Variants in PTPRT observed in about 807,000 individuals in gnomAD.
PTPRT encodes the protein receptor-type tyrosine-protein phosphatase T.
Under a neutral mutation model 176.8 loss-of-function variants are expected in PTPRT, and 56 were observed. The observed-to-expected ratio is 0.32, with a 90% CI of 0.26 to 0.40. The LOEUF is 0.40. PTPRT is among the 10% of genes least tolerant of loss of function. The pLI is 1.00. For missense variants in PTPRT, 1,540 were observed against 1,908.2 expected (o/e 0.81, Z 3.60); for synonymous variants, 783 against 739.0 (o/e 1.06, Z -0.96).
intron 6 of PTPRT, among the ~76,000 whole-genome samples, chr20:42,707,537 A>T (rs560834197): frequency 6.6e-6 from 1 of 152,086 alleles, no homozygotes; most frequent in African/African-American, 2.4e-5. Flanking sequence ...AAGATGAAGG[A>T]AGCACATGAC....
intron 7 of PTPRT, among the ~76,000 whole-genome samples, chr20:42,480,586 T>C (rs1483895234): frequency 6.6e-6 from 1 of 152,202 alleles, no homozygotes; most frequent in Non-Finnish European, 1.5e-5. Context: ...CTTGCCTTTG[T>C]GAAACTGATG....
chr20:42,261,910 G>C (rs192487498), intron 13 of PTPRT, among the ~76,000 whole-genome samples: 61 of 152,220 alleles, frequency 4.0e-4, no homozygotes, highest in African/African-American at 1.5e-3. Flanking sequence ...GCAACATGCC[G>C]CTTGCAGCTA....
intron 1 of PTPRT, among the ~76,000 whole-genome samples, chr20:43,140,953 G>A (rs969659584): frequency 1.3e-5 from 2 of 151,968 alleles, no homozygotes; most frequent in Admixed American, 6.6e-5. Context: ...CAACATATTC[G>A]GACTCACACT....
intron 7 of PTPRT, among the ~76,000 whole-genome samples, chr20:42,475,126 G>A (rs1354016433): frequency 6.6e-6 from 1 of 152,144 alleles, no homozygotes; most frequent in Non-Finnish European, 1.5e-5. Flanking sequence ...CACCACTGAT[G>A]GAACTGTAGC....
In PTPRT at chr20:42,848,540, C is replaced by A. The variant is rs568145244; in HGVS notation, c.214+37267G>T. Among the ~76,000 whole-genome samples the A allele has an allele frequency of 3.7e-4, 56 of 152,292 alleles. 3 individuals are homozygous for A. The South Asian group carries it at 0.011, about 31-fold the overall frequency. ...TTGCAGGAGGAGTAAAGTGGTAACA[C>A]ACTGTGGTTTTGATTTGCATTTCCC... On this transcript the variant is annotated intron_variant, in intron 2 of 30. Coordinates refer to ENST00000373187, the MANE Select transcript of PTPRT (RefSeq NM_007050.6).
At chr20:42,340,195 A>G (rs1419000503) in intron 11 of PTPRT, among the ~76,000 whole-genome samples, 1 of 152,212 alleles carries the variant, frequency 6.6e-6, no homozygotes, top group East Asian at 1.9e-4. Context: ...TAACTAGCTT[A>G]AATTTAAATA....
At chr20:42,631,164 T>C (rs2074396189) in intron 7 of PTPRT, among the ~76,000 whole-genome samples, 1 of 152,180 alleles carries the variant, frequency 6.6e-6, no homozygotes, top group South Asian at 2.1e-4. Flanking sequence ...AATTGTCTTA[T>C]ACAGAAGGTC....
At chr20:42,491,323 T>G (rs1185535226) in intron 7 of PTPRT, among the ~76,000 whole-genome samples, 1 of 152,194 alleles carries the variant, frequency 6.6e-6, no homozygotes, top group Non-Finnish European at 1.5e-5. Context: ...AAATGGATGA[T>G]GCACATTCTG....
chr20:43,092,538 T>A (rs1194512507), intron 1 of PTPRT, among the ~76,000 whole-genome samples: 1 of 152,242 alleles, frequency 6.6e-6, no homozygotes, highest in African/African-American at 2.4e-5. Flanking sequence ...CCAAATGTTT[T>A]TGGCTCTCAG....
At chr20:42,505,650 A>G (rs1018647812) in intron 7 of PTPRT, among the ~76,000 whole-genome samples, 1 of 152,148 alleles carries the variant, frequency 6.6e-6, no homozygotes, top group African/African-American at 2.4e-5. Flanking sequence ...GAACTCTTCA[A>G]TTATTTGTTG....
At chr20:42,526,273 T>C (rs2072266639) in intron 7 of PTPRT, among the ~76,000 whole-genome samples, 1 of 152,208 alleles carries the variant, frequency 6.6e-6, no homozygotes, top group Non-Finnish European at 1.5e-5. Flanking sequence ...CACATATGTG[T>C]ATGTTAGACT....
chr20:43,035,869 T>C (rs1292845544), intron 1 of PTPRT, among the ~76,000 whole-genome samples: 2 of 152,204 alleles, frequency 1.3e-5, no homozygotes, highest in African/African-American at 4.8e-5. Context: ...AAAATGTACA[T>C]GGCATCACCA....
intron 1 of PTPRT, among the ~76,000 whole-genome samples, chr20:43,061,662 T>C (rs1217854663): frequency 6.6e-6 from 1 of 152,238 alleles, no homozygotes; most frequent in Non-Finnish European, 1.5e-5. Context: ...CTGTTCTAGA[T>C]ACAACATGTT....
intron 14 of PTPRT, among the ~76,000 whole-genome samples, chr20:42,239,720 C>G (rs1192256672): frequency 6.6e-6 from 1 of 152,136 alleles, no homozygotes; most frequent in African/African-American, 2.4e-5. Context: ...CCGTGCCCAG[C>G]CCATAGCTCA....
At chr20:42,931,027 G>GCCA (rs1306235711) in intron 1 of PTPRT, among the ~76,000 whole-genome samples, 3 of 151,808 alleles carry the variant, frequency 2.0e-5, no homozygotes, top group Non-Finnish European at 4.4e-5. Context: ...CCCCATCTTA[G>GCCA]CCACCACCAC....
At chr20:42,479,829 G>A (rs1053487110) in intron 7 of PTPRT, among the ~76,000 whole-genome samples, 4 of 152,144 alleles carry the variant, frequency 2.6e-5, no homozygotes, top group African/African-American at 9.7e-5. Context: ...AACATTTCTG[G>A]TTCAATCATT....
At chr20:42,401,031 T>C (rs1392854893) in intron 9 of PTPRT, among the ~76,000 whole-genome samples, 1 of 151,992 alleles carries the variant, frequency 6.6e-6, no homozygotes, top group Non-Finnish European at 1.5e-5. Flanking sequence ...GTGTTGGGTC[T>C]ACTTTTTAAC....
intron 15 of PTPRT, among the ~76,000 whole-genome samples, chr20:42,207,046 A>T (rs6072656): frequency 3.9e-5 from 6 of 151,922 alleles, no homozygotes; most frequent in African/African-American, 1.5e-4. Flanking sequence ...ACACCTCACA[A>T]GGCAGGGTAT....
intron 1 of PTPRT, among the ~76,000 whole-genome samples, chr20:43,084,441 G>C (rs1239246352): frequency 3.3e-5 from 5 of 152,302 alleles, no homozygotes; most frequent in East Asian, 1.9e-4. Flanking sequence ...GTAGGAGACA[G>C]AGCAAGCAAT....
Sources: allele counts gnomAD v4.1 joint callset (sites outside exome capture counted in the v4.1 genomes callset), GRCh38; gene constraint gnomAD v4.1.1; transcripts MANE v1.5; gene names NCBI Gene and HGNC (gene_info 2026-07-23, HGNC 2026-07-21).